KIAA1328: variants seen among roughly 807,000 people sequenced by gnomAD.
The protein encoded by KIAA1328 is KIAA1328.
KIAA1328 carries 52 observed loss-of-function variants against 68.1 expected under a neutral mutation model. The ratio of observed to expected loss-of-function variants is 0.76; its 90% CI spans 0.61 to 0.96. KIAA1328 has a LOEUF of 0.96. Among genes scored for constraint, KIAA1328 ranks in the 40% least tolerant of loss-of-function variants. The probability of loss-of-function intolerance (pLI) is 0.00; values close to 1 mark genes in which losing one functional copy is unlikely to be tolerated. For synonymous variants in KIAA1328, 232 were observed against 239.4 expected, an observed-to-expected ratio of 0.97 and a Z score of 0.28; for missense variants, 641 against 677.6, an observed-to-expected ratio of 0.95 and a Z score of 0.60.
chr18:36,923,666 A>C (rs1290479372), intron 5 of KIAA1328: 1 of 152,232 alleles, frequency 6.6e-6, no homozygotes, highest in Non-Finnish European at 1.5e-5. Context: ...ATCCCAAGAT[A>C]CACAGAAATA....
At chr18:37,047,637 A>G (rs1386264959) in intron 6 of KIAA1328, among the ~76,000 whole-genome samples, 2 of 152,312 alleles carry the variant, frequency 1.3e-5, no homozygotes, top group South Asian at 2.1e-4. Flanking sequence ...TTGTCTTCCA[A>G]AATTTCGCAT....
intron 7 of KIAA1328, among the ~76,000 whole-genome samples, chr18:37,100,295 A>C (rs2057564853): frequency 6.6e-6 from 1 of 152,210 alleles, no homozygotes; most frequent in African/African-American, 2.4e-5. Flanking sequence ...GACAGATGGC[A>C]CCTGGAAAAT....
intron 4 of KIAA1328, among the ~76,000 whole-genome samples, chr18:36,869,236 T>C (rs966488914): frequency 8.5e-5 from 13 of 152,194 alleles, no homozygotes; most frequent in Non-Finnish European, 1.6e-4. Context: ...TATGCCAAAA[T>C]CCATTTTCAG....
At chr18:36,950,586 G>GTA (rs1598799406) in intron 5 of KIAA1328, among the ~76,000 whole-genome samples, 2 of 152,168 alleles carry the variant, frequency 1.3e-5, no homozygotes, top group African/African-American at 4.8e-5. Flanking sequence ...AAGCTTGGAG[G>GTA]AAGAGGTGAC....
chr18:36,947,222 A>G (rs2050940095), intron 5 of KIAA1328, among the ~76,000 whole-genome samples: 1 of 152,168 alleles, frequency 6.6e-6, no homozygotes, highest in Non-Finnish European at 1.5e-5. Flanking sequence ...CAAGGAGACA[A>G]ATATAGGAAT....
Position 36,844,241 on chromosome 18 carries a change from T to C in KIAA1328, c.271T>C (p.Leu91=), listed in dbSNP as rs1305820747. 2.5e-6 allele frequency: 4 copies of C among 1,606,292 alleles called. No homozygotes were observed. Among genetic ancestry groups the C allele is most frequent in the African/African-American group, 2.7e-5 (2 of 74,526 alleles). ...CAGGGGAGAAATAAAGAGTGCATCA[T>C]TGAAGGATTTATGTCTTGAAGACAA... is the stretch of plus-strand genomic sequence containing the variant. The part of the protein sequence containing the change: ...SCRGEIKSAS[L]KDLCLEDKRR... Residue 91 remains leucine (L), a synonymous_variant, in exon 4 of 10, where the codon TTG becomes CTG. Transcript: ENST00000280020.
At chr18:37,049,033 A>G (rs1025326562) in intron 6 of KIAA1328, among the ~76,000 whole-genome samples, 1 of 152,206 alleles carries the variant, frequency 6.6e-6, no homozygotes, top group South Asian at 2.1e-4. Context: ...GCCAAAATCT[A>G]TGCAAAAACC....
chr18:36,852,969 A>G (rs1036794187), intron 4 of KIAA1328, among the ~76,000 whole-genome samples: 3 of 152,076 alleles, frequency 2.0e-5, no homozygotes, highest in Non-Finnish European at 2.9e-5. Context: ...ATATTTTCAT[A>G]TATTTTGAGG....
At chr18:37,006,629 A>G (rs2053795357) in intron 6 of KIAA1328, among the ~76,000 whole-genome samples, 1 of 151,778 alleles carries the variant, frequency 6.6e-6, no homozygotes, top group African/African-American at 2.4e-5. Flanking sequence ...GCACCCATTA[A>G]CTCGTCATTT....
At chr18:37,188,888 C>T (rs922976291) in intron 9 of KIAA1328, among the ~76,000 whole-genome samples, 5 of 152,292 alleles carry the variant, frequency 3.3e-5, no homozygotes, top group East Asian at 1.9e-4. Flanking sequence ...TTTAATTTCA[C>T]GCCTTGCAGA....
chr18:36,890,870 A>AT (rs1270993843), intron 5 of KIAA1328, among the ~76,000 whole-genome samples: 9 of 152,062 alleles, frequency 5.9e-5, no homozygotes, highest in African/African-American at 1.2e-4. Flanking sequence ...TATGAATGAG[A>AT]TTTTTTCTGG....
chr18:37,226,829 G>A (rs371994170), downstream of KIAA1328, among the ~76,000 whole-genome samples: 15 of 150,410 alleles, frequency 1.0e-4, no homozygotes, highest in East Asian at 2.0e-4. Context: ...GTGCAATGGC[G>A]CAATCTCAGC....
chr18:37,047,692 A>G (rs1215815833), intron 6 of KIAA1328, among the ~76,000 whole-genome samples: 2 of 152,286 alleles, frequency 1.3e-5, no homozygotes, highest in East Asian at 3.9e-4. Flanking sequence ...CCTTGCCCTC[A>G]CTAAAGGCAA....
At chr18:36,836,820 C>T (rs1314508195) in intron 3 of KIAA1328, among the ~76,000 whole-genome samples, 1 of 152,108 alleles carries the variant, frequency 6.6e-6, no homozygotes, top group Non-Finnish European at 1.5e-5. Flanking sequence ...CTAGCAAACA[C>T]TAATCTGCTT....
chr18:36,885,519 T>G, intron 4 of KIAA1328, 38 bp from the exon 5 acceptor site: 1 of 1,257,260 alleles, frequency 8.0e-7, no homozygotes, highest in Non-Finnish European at 1.1e-6. Context: ...TTAATTTTAT[T>G]CTGATAGATG....
intron 7 of KIAA1328, among the ~76,000 whole-genome samples, chr18:37,117,883 A>ATAT (rs1158262639): frequency 6.0e-4 from 84 of 139,266 alleles, no homozygotes; most frequent in African/African-American, 2.0e-3. Context: ...GTTTAAAAAA[A>ATAT]AAAAATATAT....
chr18:37,195,160 A>C (rs369132943), intron 9 of KIAA1328, among the ~76,000 whole-genome samples: 15 of 152,148 alleles, frequency 9.9e-5, no homozygotes, highest in African/African-American at 3.6e-4. Context: ...ACTGTTAACT[A>C]TAACTTCCCT....
chr18:37,110,424 G>C (rs914929318), intron 7 of KIAA1328, among the ~76,000 whole-genome samples: 3 of 152,268 alleles, frequency 2.0e-5, no homozygotes, highest in Middle Eastern at 3.4e-3. Context: ...AAGCTAGCAA[G>C]GTTAAGAAGT....
rs9949758 is a variant in KIAA1328 at position 36,854,863 on chromosome 18, G to A, written c.332+10561G>A. 2.8e-3 allele frequency among the ~76,000 whole-genome samples: 431 copies of A among 152,046 alleles called. 3 individuals are homozygous for A. The highest frequency in any genetic ancestry group is 9.9e-3 in the African/African-American group (409 of 41,468). ...TCAGCCCCTGGTACCCCAGTTTACC[G>A]TTTCTGTTGATTACCTATTCTTGAT... On this transcript the variant is annotated intron_variant, in intron 4 of 9. Transcript: ENST00000280020.
Sources: allele counts gnomAD v4.1 joint callset (sites outside exome capture counted in the v4.1 genomes callset), GRCh38; gene constraint gnomAD v4.1.1; transcripts MANE v1.5; gene names NCBI Gene and HGNC (gene_info 2026-07-23, HGNC 2026-07-21).